The following BRD4 variants were observed in gnomAD, a reference collection of about 807,000 sequenced individuals.
BRD4 encodes the protein bromodomain containing 4, also known as bromodomain-containing protein 4.
Under a neutral mutation model 142.1 loss-of-function variants are expected in BRD4, and 16 were observed. The ratio of observed to expected loss-of-function variants is 0.11; its 90% CI spans 0.08 to 0.17. The LOEUF is 0.17. Among genes scored for constraint, BRD4 ranks in the 10% least tolerant of loss-of-function variants. The pLI is 1.00. For missense variants in BRD4, 1,424 were observed against 1,810.9 expected (o/e 0.79, Z 3.88); for synonymous variants, 833 against 707.5 (o/e 1.18, Z -2.82).
At chr19:15,316,687 C>G (rs1433382182) in intron 1 of BRD4, among the ~76,000 whole-genome samples, 2 of 152,224 alleles carry the variant, frequency 1.3e-5, no homozygotes, top group Non-Finnish European at 2.9e-5. Flanking sequence ...AGGTTAAATT[C>G]CACTCTTGTG....
In BRD4 at chr19:15,323,635, G is replaced by A. The variant is rs151061701; in HGVS notation, c.-35+8655C>T. 1.2e-4 allele frequency among the ~76,000 whole-genome samples: 18 copies of A among 152,250 alleles called. No homozygotes were observed. The East Asian group carries it at 2.7e-3, about 23-fold the overall frequency. ...AGACATTAGCAACACACAAGGACAC[G>A]AGAATTACTAATTCACGTTTCTGAA... On this transcript the variant is annotated intron_variant, in intron 1 of 19. Coordinates refer to ENST00000679869, the MANE Select transcript of BRD4 (RefSeq NM_001379291.1).
At position 15,332,534 on chromosome 19, in the gene BRD4, C is replaced by A; in HGVS notation, c.-279G>T. The A allele has an allele frequency of 6.4e-6, 1 of 156,808 alleles. No homozygotes were observed. The allele number at this position is 156,808 out of a possible 1,614,324, so 9.7% of individuals were successfully genotyped here. On this transcript the variant is annotated 5_prime_UTR_variant, in exon 1 of 20. Transcript: ENST00000679869. ...CCGCCGCCGCCGCCGCCGCCGCCAGCGCACTGACGTCACCGCGCACGCTGC... is the reference window on the plus strand; with the variant it reads ...CCGCCGCCGCCGCCGCCGCCGCCAGAGCACTGACGTCACCGCGCACGCTGC...
chr19:15,319,795 G>C (rs549937719), intron 1 of BRD4, among the ~76,000 whole-genome samples: 114 of 151,956 alleles, frequency 7.5e-4, no homozygotes, highest in Non-Finnish European at 5.4e-4. Flanking sequence ...AATTAGATGA[G>C]TGTGGTGGCC....
rs199759820 is a variant in BRD4, at chr19:15,244,475, C to A, written c.2337G>T (p.Pro779=). ...GCTGCGGCATGGAGGGTGGGGGAGG[C>A]GGGGGTGGCGGCTGCTGTTGCTGCT... The part of the protein sequence containing the change: ...PPQQQQQPPP[P]PPPPSMPQQA... Residue 779 remains proline, a synonymous_variant, in exon 13 of 20, where the codon CCG becomes CCT. Transcript: ENST00000679869. The A allele has an allele frequency of 1.2e-4, 17 of 136,466 alleles. No homozygotes were observed. The highest frequency in any genetic ancestry group is 2.1e-4 in the Non-Finnish European group (17 of 80,662). 8.5% of individuals were successfully genotyped at this position (136,466 alleles called of 1,614,324 possible). A position where few individuals can be genotyped will look rare whatever the true frequency, so the allele number is the denominator to read the frequency against.
intron 1 of BRD4, among the ~76,000 whole-genome samples, chr19:15,281,543 C>G (rs1319802761): frequency 6.6e-6 from 1 of 152,202 alleles, no homozygotes; most frequent in Non-Finnish European, 1.5e-5. Flanking sequence ...CATCTTTTCA[C>G]TGCAAAAGCT....
intron 1 of BRD4, among the ~76,000 whole-genome samples, chr19:15,322,880 A>AAAAAAG (rs1833296681): frequency 6.8e-6 from 1 of 147,702 alleles, no homozygotes; most frequent in African/African-American, 2.5e-5. Context: ...AAAAAAAAAA[A>AAAAAAG]AAAAGAAAAG....
chr19:15,308,227 G>C (rs2047934327), intron 1 of BRD4, among the ~76,000 whole-genome samples: 1 of 143,320 alleles, frequency 7.0e-6, no homozygotes, highest in Non-Finnish European at 1.5e-5. Flanking sequence ...CCTATCAGCA[G>C]TGGGGTCATG....
chr19:15,308,601 T>G (rs1032764889), intron 1 of BRD4, among the ~76,000 whole-genome samples: 3 of 144,950 alleles, frequency 2.1e-5, no homozygotes, highest in Admixed American at 6.9e-5. Context: ...AAAAAAAAAG[T>G]AATAGTATAA....
intron 1 of BRD4, among the ~76,000 whole-genome samples, chr19:15,292,329 T>A (rs553174069): frequency 6.6e-6 from 1 of 152,162 alleles, no homozygotes; most frequent in East Asian, 1.9e-4. Context: ...CAGACTCAGA[T>A]GACTTATCTA....
intron 1 of BRD4, among the ~76,000 whole-genome samples, chr19:15,290,710 G>A (rs184907826): frequency 2.1e-4 from 32 of 152,154 alleles, no homozygotes; most frequent in African/African-American, 6.3e-4. Context: ...ATATACACCC[G>A]CTTCTCATCT....
In BRD4 at chr19:15,332,438, CGCAGCCGCT is replaced by C. The variant is rs939144717; in HGVS notation, c.-192_-184del. ...GCCCGCGGGCACCGCCGGCAGCCGC[CGCAGCCGCT>C]GCCGCCGCCACTGCTTCGGCTCCTC... On this transcript the variant is annotated 5_prime_UTR_variant, in exon 1 of 20. Transcript: ENST00000679869. 1.4e-5 allele frequency: 2 copies of C among 146,898 alleles called. No individual in the cohort carries two copies. The highest frequency in any genetic ancestry group is 2.0e-4 in the East Asian group (1 of 5,038). The allele number at this position is 146,898 out of a possible 1,614,324, so 9.1% of individuals were successfully genotyped here.
At chr19:15,240,494 C>T (rs2047230073) in intron 14 of BRD4, among the ~76,000 whole-genome samples, 1 of 152,194 alleles carries the variant, frequency 6.6e-6, no homozygotes, top group Non-Finnish European at 1.5e-5. Context: ...AGACCCAGTC[C>T]TGGGGGTGGG....
At chr19:15,319,930 T>C (rs752707477) in intron 1 of BRD4, among the ~76,000 whole-genome samples, 7 of 152,150 alleles carry the variant, frequency 4.6e-5, no homozygotes, top group African/African-American at 7.2e-5. Context: ...AGTGAGACTC[T>C]ACCTCCAAAA....
chr19:15,311,430 A>G (rs2047969576), intron 1 of BRD4, among the ~76,000 whole-genome samples: 1 of 152,222 alleles, frequency 6.6e-6, no homozygotes, highest in African/African-American at 2.4e-5. Context: ...GACATGCTAC[A>G]ACACGGATGG....
intron 1 of BRD4, among the ~76,000 whole-genome samples, chr19:15,295,588 T>A (rs954195681): frequency 1.3e-5 from 2 of 152,328 alleles, no homozygotes; most frequent in Non-Finnish European, 1.5e-5. Flanking sequence ...CTTACTACTC[T>A]TTTTCAATCA....
At chr19:15,274,386 A>T (rs905121526) in intron 1 of BRD4, among the ~76,000 whole-genome samples, 1 of 152,178 alleles carries the variant, frequency 6.6e-6, no homozygotes, top group African/African-American at 2.4e-5. Context: ...AGGGGAGGGG[A>T]GGCCTAAAGG....
At chr19:15,248,262 C>T (rs992935050) in intron 11 of BRD4, 5 of 216,832 alleles carry the variant, frequency 2.3e-5, no homozygotes, top group Non-Finnish European at 3.7e-5. Context: ...GATGTGGCCA[C>T]ACTCGCCTGC....
In BRD4 at chr19:15,295,439, G is replaced by A. The variant is rs574609057; in HGVS notation, c.-34-22306C>T. On this transcript the variant is annotated intron_variant, in intron 1 of 19. Transcript: ENST00000679869. Reference sequence around the variant, plus strand: ...GGCTTTCCGTGTGTCCTCCATTTTTGCTAATTTCAAGCCTGCCTTGGGTGG... The same window carrying A: ...GGCTTTCCGTGTGTCCTCCATTTTTACTAATTTCAAGCCTGCCTTGGGTGG... Among the ~76,000 whole-genome samples the A allele has an allele frequency of 2.2e-4, 34 of 152,204 alleles. 1 individual carries two copies. In the South Asian group the frequency reaches 6.8e-3, roughly 31 times the overall value.
intron 13 of BRD4, among the ~76,000 whole-genome samples, chr19:15,243,891 C>A (rs1355108624): frequency 6.6e-6 from 1 of 152,212 alleles, no homozygotes; most frequent in Non-Finnish European, 1.5e-5. Context: ...CCCCCAACCC[C>A]TGATGAGAAA....
Sources: allele counts gnomAD v4.1 joint callset (sites outside exome capture counted in the v4.1 genomes callset), GRCh38; gene constraint gnomAD v4.1.1; transcripts MANE v1.5; gene names NCBI Gene and HGNC (gene_info 2026-07-23, HGNC 2026-07-21).